The following KCNIP4 variants were observed in gnomAD, a reference collection of about 807,000 sequenced individuals.
The protein encoded by KCNIP4 is potassium voltage-gated channel interacting protein 4.
In KCNIP4, 12 loss-of-function variants were observed where a neutral mutation model predicts 34.0. The ratio of observed to expected loss-of-function variants is 0.35; its 90% CI spans 0.23 to 0.57. The LOEUF (loss-of-function observed/expected upper bound fraction) is 0.57, where lower values mean the gene tolerates loss of function less well. KCNIP4 is among the 20% of genes least tolerant of loss of function. The pLI is 0.83. For missense variants in KCNIP4, 238 were observed against 311.7 expected (o/e 0.76, Z 1.78); for synonymous variants, 124 against 102.2 (o/e 1.21, Z -1.29).
At chr4:20,754,587 ATTC>A (rs1055125951) in intron 4 of KCNIP4, among the ~76,000 whole-genome samples, 1 of 152,226 alleles carries the variant, frequency 6.6e-6, no homozygotes, top group African/African-American at 2.4e-5. Flanking sequence ...GCAAATCATA[ATTC>A]TTTAAAATAT....
intron 1 of KCNIP4, among the ~76,000 whole-genome samples, chr4:21,692,491 A>C (rs1048159782): frequency 6.6e-6 from 1 of 152,224 alleles, no homozygotes; most frequent in African/African-American, 2.4e-5. Context: ...TGGGAAAAGT[A>C]ACACAGTGCC....
At chr4:21,299,231 G>A (rs1764017836) in intron 1 of KCNIP4, among the ~76,000 whole-genome samples, 1 of 151,906 alleles carries the variant, frequency 6.6e-6, no homozygotes, top group South Asian at 2.1e-4. Flanking sequence ...ATTTATAATT[G>A]TTTTATTTTA....
intron 1 of KCNIP4, among the ~76,000 whole-genome samples, chr4:21,896,015 T>C (rs1366192503): frequency 6.6e-6 from 1 of 152,198 alleles, no homozygotes; most frequent in Non-Finnish European, 1.5e-5. Flanking sequence ...CTGATGAGGC[T>C]TTGCCAACTC....
At chr4:21,228,020 A>T (rs2109014939) in intron 1 of KCNIP4, among the ~76,000 whole-genome samples, 1 of 152,338 alleles carries the variant, frequency 6.6e-6, no homozygotes, top group Non-Finnish European at 1.5e-5. Flanking sequence ...GTACTGCAAC[A>T]ATATCACATT....
chr4:20,971,928 T>C (rs1362112611), intron 1 of KCNIP4, among the ~76,000 whole-genome samples: 3 of 152,238 alleles, frequency 2.0e-5, no homozygotes, highest in Admixed American at 2.0e-4. Flanking sequence ...GTATTCTAAA[T>C]TCTTAGCTAT....
At chr4:21,377,554 T>C (rs1397968198) in intron 1 of KCNIP4, among the ~76,000 whole-genome samples, 2 of 152,238 alleles carry the variant, frequency 1.3e-5, no homozygotes, top group Non-Finnish European at 2.9e-5. Flanking sequence ...TCTTTTTGTA[T>C]AGGGGATCTG....
At chr4:21,042,832 A>G (rs2149781631) in intron 1 of KCNIP4, among the ~76,000 whole-genome samples, 1 of 152,314 alleles carries the variant, frequency 6.6e-6, no homozygotes, top group South Asian at 2.1e-4. Flanking sequence ...AGCAAAAGGA[A>G]GGTGAGAATG....
rs138879238 is a variant in KCNIP4, at chr4:21,305,619, T to C, written c.62-422910A>G. On this transcript the variant is annotated intron_variant, in intron 1 of 8. Transcript: ENST00000382152. ...CCTACAGAACAAAGTTGAAGCTCCT[T>C]TGAAGAGCATCCTTTTCTCTCCGTG... Among the ~76,000 whole-genome samples the C allele has an allele frequency of 5.5e-4, 84 of 152,284 alleles. 1 individual carries two copies. The East Asian group carries it at 0.01, about 18-fold the overall frequency.
intron 3 of KCNIP4, among the ~76,000 whole-genome samples, chr4:20,846,124 A>G (rs1475211838): frequency 1.3e-5 from 2 of 152,232 alleles, no homozygotes; most frequent in African/African-American, 4.8e-5. Flanking sequence ...ATTAGCAGGT[A>G]TTAAAGTGAT....
intron 5 of KCNIP4, among the ~76,000 whole-genome samples, chr4:20,742,160 A>G (rs1751279013): frequency 6.6e-6 from 1 of 152,192 alleles, no homozygotes; most frequent in Non-Finnish European, 1.5e-5. Context: ...AGCTGGTACC[A>G]TTTCTTCTGA....
chr4:21,304,061 G>C (rs28403156), intron 1 of KCNIP4: 59 of 395,964 alleles, frequency 1.5e-4, no homozygotes, highest in Middle Eastern at 1.1e-3. Context: ...GAGAGAGAGA[G>C]AGAGAGACAG....
intron 1 of KCNIP4, among the ~76,000 whole-genome samples, chr4:21,324,446 A>G (rs1714818398): frequency 6.6e-6 from 1 of 152,024 alleles, no homozygotes; most frequent in African/African-American, 2.4e-5. Context: ...ATAGAGGTCT[A>G]GTTCCATTCT....
intron 1 of KCNIP4, among the ~76,000 whole-genome samples, chr4:21,728,822 C>T (rs1182747228): frequency 1.3e-5 from 2 of 152,130 alleles, no homozygotes; most frequent in East Asian, 3.9e-4. Flanking sequence ...TACCACCCCT[C>T]AAATCTTAGC....
At chr4:21,328,670 G>A (rs116500770) in intron 1 of KCNIP4, among the ~76,000 whole-genome samples, 3,082 of 152,290 alleles carry the variant, frequency 0.02, 56 homozygotes, top group Non-Finnish European at 0.033. Flanking sequence ...CCTTCAGGGC[G>A]GCAAGTTCCA....
rs924982703 is a variant in KCNIP4 at position 21,911,139 on chromosome 4, AG to A, written c.61+37431del. The stretch of plus-strand genomic sequence containing the variant: ...CAACTTTAGAACCTTCAAATCGAAA[AG>A]TCCTCTTTACAAAAAAGGAGTTCAA... On this transcript the variant is annotated intron_variant, in intron 1 of 8. Coordinates refer to ENST00000382152, the MANE Select transcript of KCNIP4 (RefSeq NM_025221.6). Among the ~76,000 whole-genome samples, 4 of 152,268 alleles carry A rather than the reference AG, an allele frequency of 2.6e-5. No individual in the cohort carries two copies. In the South Asian group the frequency reaches 6.2e-4, roughly 24 times the overall value.
chr4:21,244,846 A>C (rs569254531), intron 1 of KCNIP4, among the ~76,000 whole-genome samples: 28 of 152,242 alleles, frequency 1.8e-4, no homozygotes, highest in Non-Finnish European at 4.0e-4. Flanking sequence ...CTTACATCTC[A>C]TTACTAATAA....
At chr4:20,937,222 CTTTTTTTTTTTTTTTTT>C (rs397992488) in intron 1 of KCNIP4, among the ~76,000 whole-genome samples, 1 of 45,524 alleles carries the variant, frequency 2.2e-5, no homozygotes, top group East Asian at 7.6e-4. Context: ...CCCAAGGAGT[CTTTTTTTTTTTTTTTTT>C]TTTTTTTTTT....
chr4:21,153,503 A>ATG (rs1466296427), intron 1 of KCNIP4, among the ~76,000 whole-genome samples: 5 of 90,096 alleles, frequency 5.5e-5, no homozygotes, highest in Non-Finnish European at 1.1e-4. Context: ...ATTTATATAT[A>ATG]TATGTGTGTG....
chr4:21,132,853 C>CAAAAA (rs71189683), intron 1 of KCNIP4, among the ~76,000 whole-genome samples: 47 of 116,554 alleles, frequency 4.0e-4, no homozygotes, highest in Non-Finnish European at 6.0e-4. Context: ...TACTAAACGA[C>CAAAAA]AAAAAAAAAA....
Sources: allele counts gnomAD v4.1 joint callset (sites outside exome capture counted in the v4.1 genomes callset), GRCh38; gene constraint gnomAD v4.1.1; transcripts MANE v1.5; gene names NCBI Gene and HGNC (gene_info 2026-07-23, HGNC 2026-07-21).